Variants in EHBP1 observed in about 807,000 individuals in gnomAD.
EHBP1 encodes the protein EH domain-binding protein 1.
EHBP1 carries 55 observed loss-of-function variants against 144.0 expected under a neutral mutation model. The observed-to-expected ratio is 0.38, with a 90% CI of 0.31 to 0.48. The LOEUF is 0.48. Ranked by LOEUF, EHBP1 falls within the 20% of genes least tolerant of loss-of-function variation. The probability of loss-of-function intolerance (pLI) is 0.98; values close to 1 mark genes in which losing one functional copy is unlikely to be tolerated. For missense variants in EHBP1, 1,200 were observed against 1,364.2 expected (o/e 0.88, Z 1.90); for synonymous variants, 469 against 472.7 (o/e 0.99, Z 0.10).
At chr2:62,826,301 A>G (rs371870011) in intron 6 of EHBP1, 33 bp downstream of exon 6, 18 of 1,551,192 alleles carry the variant, frequency 1.2e-5, no homozygotes, top group Non-Finnish European at 1.5e-5. Context: ...GCTTCCTTAC[A>G]TTGTGTTTCA....
At chr2:62,860,359 T>C (rs2049407377) in intron 8 of EHBP1, among the ~76,000 whole-genome samples, 1 of 151,988 alleles carries the variant, frequency 6.6e-6, no homozygotes, top group South Asian at 2.1e-4. Flanking sequence ...AGCATGGTGG[T>C]GCATGCATGT....
chr2:62,757,889 G>T (rs1227045068), intron 3 of EHBP1, among the ~76,000 whole-genome samples: 2 of 152,030 alleles, frequency 1.3e-5, no homozygotes, highest in Non-Finnish European at 2.9e-5. Flanking sequence ...GACGCCTTCT[G>T]TAGTCCCTGC....
chr2:62,837,821 A>C (rs1423495286), intron 7 of EHBP1, among the ~76,000 whole-genome samples: 1 of 151,992 alleles, frequency 6.6e-6, no homozygotes, highest in African/African-American at 2.4e-5. Context: ...CCAATACGGG[A>C]GCACCCAGAT....
intron 5 of EHBP1, among the ~76,000 whole-genome samples, chr2:62,803,965 T>G (rs1202370522): frequency 6.6e-6 from 1 of 152,188 alleles, no homozygotes; most frequent in Non-Finnish European, 1.5e-5. Flanking sequence ...AGTAATACTA[T>G]CTACTTCCTA....
intron 7 of EHBP1, among the ~76,000 whole-genome samples, chr2:62,846,365 C>T (rs2048301182): frequency 1.3e-5 from 2 of 152,066 alleles, no homozygotes; most frequent in Non-Finnish European, 2.9e-5. Context: ...CCTAGGAATT[C>T]AAGGTTAGTT....
chr2:62,786,349 A>C (rs1038401779), intron 5 of EHBP1, among the ~76,000 whole-genome samples: 1 of 152,132 alleles, frequency 6.6e-6, no homozygotes, highest in Admixed American at 6.5e-5. Flanking sequence ...AAGAATGACT[A>C]TTCTAGCTCT....
intron 12 of EHBP1, among the ~76,000 whole-genome samples, chr2:62,947,178 C>T (rs2057118541): frequency 1.3e-5 from 2 of 152,102 alleles, no homozygotes; most frequent in Non-Finnish European, 2.9e-5. Context: ...TTTTGAGGTA[C>T]CTATATTATG....
At chr2:62,809,965 T>C (rs1050827957) in intron 5 of EHBP1, among the ~76,000 whole-genome samples, 2 of 152,220 alleles carry the variant, frequency 1.3e-5, no homozygotes, top group African/African-American at 4.8e-5. Flanking sequence ...ACATACATGT[T>C]TAATAATAGG....
intron 8 of EHBP1, among the ~76,000 whole-genome samples, chr2:62,860,349 A>ACC (rs2049405936): frequency 6.6e-6 from 1 of 152,080 alleles, no homozygotes; most frequent in Admixed American, 6.6e-5. Flanking sequence ...AAGTTAGCTG[A>ACC]GCATGGTGGT....
chr2:62,851,936 G>A lies in EHBP1; in HGVS notation c.635-7233G>A, dbSNP rs377601062. ...GAAATGGCCGTAAGTGATTTTAGAT[G>A]TCACCAAAAGCATGATGATGAGGAA... is the stretch of plus-strand genomic sequence containing the variant. On this transcript the variant is annotated intron_variant, in intron 7 of 22. Transcript: ENST00000431489. Among the ~76,000 whole-genome samples, 73 of 152,232 alleles carry A rather than the reference G, an allele frequency of 4.8e-4. 1 individual carries two copies. Among genetic ancestry groups the A allele is most frequent in the African/African-American group, 1.6e-3 (65 of 41,558 alleles).
chr2:62,885,225 A>G (rs1285170872), intron 10 of EHBP1, among the ~76,000 whole-genome samples: 4 of 152,202 alleles, frequency 2.6e-5, no homozygotes, highest in Non-Finnish European at 5.9e-5. Context: ...ATGAAAAAGC[A>G]CCAAGACTAG....
At chr2:62,701,237 T>C (rs911958190), upstream of EHBP1, among the ~76,000 whole-genome samples, 11 of 152,118 alleles carry the variant, frequency 7.2e-5, no homozygotes, top group African/African-American at 2.7e-4. Flanking sequence ...TAAAAAAGAG[T>C]AAAGGAACAG....
At chr2:62,753,615 T>G (rs1320845688) in intron 3 of EHBP1, among the ~76,000 whole-genome samples, 1 of 152,198 alleles carries the variant, frequency 6.6e-6, no homozygotes, top group Non-Finnish European at 1.5e-5. Context: ...TTGGTTCCAT[T>G]CTCCCTGTCA....
intron 14 of EHBP1, among the ~76,000 whole-genome samples, chr2:62,975,783 A>T (rs1448593091): frequency 6.6e-6 from 1 of 151,650 alleles, no homozygotes; most frequent in African/African-American, 2.4e-5. Flanking sequence ...AGTTCCAGCT[A>T]CTCAGGAGGC....
At chr2:62,728,252 A>G (rs360801) in intron 2 of EHBP1, among the ~76,000 whole-genome samples, 45,967 of 152,046 alleles carry the variant, frequency 0.3, 7,800 homozygotes, top group Middle Eastern at 0.51. Flanking sequence ...TTCCTATTCT[A>G]TCTCAGGTAC....
At chr2:62,762,331 A>G (rs2040834234) in intron 3 of EHBP1, among the ~76,000 whole-genome samples, 2 of 152,066 alleles carry the variant, frequency 1.3e-5, no homozygotes, top group Non-Finnish European at 2.9e-5. Flanking sequence ...GGAGCTTTAT[A>G]TTCTTTATCT....
chr2:62,718,642 A>G (rs932080101), intron 2 of EHBP1, among the ~76,000 whole-genome samples: 4 of 152,262 alleles, frequency 2.6e-5, no homozygotes, highest in African/African-American at 7.2e-5. Flanking sequence ...GCTGAAGAGT[A>G]TCAAATTAGG....
intron 2 of EHBP1, among the ~76,000 whole-genome samples, chr2:62,731,202 T>A (rs2037563715): frequency 6.6e-6 from 1 of 151,770 alleles, no homozygotes; most frequent in African/African-American, 2.4e-5. Context: ...CAATTCCAAT[T>A]GGTAAATTCC....
Position 63,045,997 on chromosome 2 carries a change from G to C in EHBP1, c.*497G>C, listed in dbSNP as rs191321122. 1 of 155,286 alleles carries C rather than the reference G, an allele frequency of 6.4e-6. No individual in the cohort carries two copies. The highest frequency in any genetic ancestry group is 1.9e-4 in the East Asian group (1 of 5,236). 9.6% of individuals were successfully genotyped at this position (155,286 alleles called of 1,614,324 possible). A position where few individuals can be genotyped will look rare whatever the true frequency, so the allele number is the denominator to read the frequency against. ...CTCTGTTACCTAAATTTTATAGTTA[G>C]ATCATATCCAATCTACTTATTAAAC... is the stretch of plus-strand genomic sequence containing the variant. On this transcript the variant is annotated 3_prime_UTR_variant, in exon 23 of 23. Coordinates refer to ENST00000431489, the MANE Select transcript of EHBP1 (RefSeq NM_001142616.3). This position sits in a 1 kb window ranked among gnomAD's most constrained non-coding sequence, Gnocchi z 5.7.
Sources: gnomAD v4.1 joint callset for allele counts (sites outside exome capture counted in the v4.1 genomes callset) on GRCh38, gnomAD v4.1.1 for gene constraint, Gnocchi (gnomAD v3.1) non-coding constraint, MANE v1.5 for transcripts, NCBI Gene and HGNC (gene_info 2026-07-23, HGNC 2026-07-21) for gene names.